PPP1R3A: variants seen among roughly 807,000 people sequenced by gnomAD.
The protein encoded by PPP1R3A is RG1.
In PPP1R3A, 29 loss-of-function variants were observed where a neutral mutation model predicts 41.7. That is an observed-to-expected ratio of 0.70 (90% confidence interval 0.52 to 0.95). PPP1R3A has a LOEUF of 0.95. Among genes scored for constraint, PPP1R3A ranks in the 40% least tolerant of loss-of-function variants. The pLI, the probability that PPP1R3A is intolerant of heterozygous loss-of-function variation, is 0.00. For synonymous variants in PPP1R3A, 485 were observed against 453.4 expected, an observed-to-expected ratio of 1.07 and a Z score of -0.89; for missense variants, 1,352 against 1,292.4, an observed-to-expected ratio of 1.05 and a Z score of -0.71.
chr7:113,880,051 G>T lies in PPP1R3A; in HGVS notation c.1041C>A (p.Val347=). The part of the protein sequence containing the change: ...DERNTFSTDP[V]NFPNKAEGLE... ...ACCCCTCTGCTTTATTTGGAAAATT[G>T]ACTGGATCTGTTGAAAATGTATTCC... is the stretch of plus-strand genomic sequence containing the variant. The change falls in exon 4 of 4, where the codon GTC becomes GTA. Residue 347 remains valine, a synonymous_variant. Transcript: ENST00000284601. 1 of 1,610,636 alleles carries T rather than the reference G, an allele frequency of 6.2e-7. No homozygotes were observed. Among genetic ancestry groups the T allele is most frequent in the Non-Finnish European group, 8.5e-7 (1 of 1,177,356 alleles).
At chr7:113,901,872 C>T (rs1169323332) in intron 1 of PPP1R3A, among the ~76,000 whole-genome samples, 1 of 151,708 alleles carries the variant, frequency 6.6e-6, no homozygotes, top group East Asian at 2.0e-4. Flanking sequence ...TCAGCCTGAC[C>T]TACATCACAG....
chr7:113,915,785 A>T (rs939476716), intron 1 of PPP1R3A, among the ~76,000 whole-genome samples: 4 of 151,826 alleles, frequency 2.6e-5, no homozygotes, highest in African/African-American at 9.7e-5. Flanking sequence ...AATAAGTATT[A>T]GTTCATTTTT....
At chr7:113,915,694 G>A (rs901621896) in intron 1 of PPP1R3A, among the ~76,000 whole-genome samples, 3 of 151,302 alleles carry the variant, frequency 2.0e-5, no homozygotes, top group African/African-American at 7.3e-5. Flanking sequence ...CATAGGAAGT[G>A]TAGAAATGCT....
chr7:113,889,226 C>T (rs1796837951), intron 1 of PPP1R3A, among the ~76,000 whole-genome samples: 1 of 152,112 alleles, frequency 6.6e-6, no homozygotes. Context: ...AGAGTCATTC[C>T]TTTAGTTGCA....
At chr7:113,895,039 G>A (rs969988341) in intron 1 of PPP1R3A, among the ~76,000 whole-genome samples, 1 of 151,940 alleles carries the variant, frequency 6.6e-6, no homozygotes, top group African/African-American at 2.4e-5. Context: ...TAGGGTGGCA[G>A]GTGTGAGCTC....
rs1796577336 is a variant in PPP1R3A, at chr7:113,877,016, C to T, written c.*707G>A. The T allele has an allele frequency of 2.6e-5, 4 of 151,836 alleles. No individual in the cohort carries two copies. The highest frequency in any genetic ancestry group is 2.6e-4 in the Admixed American group (4 of 15,202). The allele number at this position is 151,836 out of a possible 1,614,324, so 9.4% of individuals were successfully genotyped here. The stretch of plus-strand genomic sequence containing the variant: ...AGAAAAGCATTGCTTAAAGACAGGC[C>T]ACCCACAGAATTTTTCAGAATTGAA... On this transcript the variant is annotated 3_prime_UTR_variant, in exon 4 of 4. Transcript: ENST00000284601.
rs920340267 is a variant in PPP1R3A, at chr7:113,918,881, G to C, written c.116C>G (p.Pro39Arg). ...ATCAGAACCTCGTCTACTTGGTTGA[G>C]GGGAGAAACCAGGTTGGAAAGTAAC... The part of the protein sequence containing the change: ...EEVTFQPGFS[P>R]QPSRRGSDSS... The change falls in exon 1 of 4, where the codon CCT (proline) becomes CGT (arginine). Residue 39 changes from proline to arginine, a missense_variant. Transcript: ENST00000284601. 1.4e-5 allele frequency: 23 copies of C among 1,613,492 alleles called. No homozygotes were observed. Among genetic ancestry groups the C allele is most frequent in the Non-Finnish European group, 1.9e-5 (22 of 1,179,686 alleles).
intron 3 of PPP1R3A, among the ~76,000 whole-genome samples, chr7:113,881,808 T>C (rs949712905): frequency 6.6e-6 from 1 of 152,028 alleles, no homozygotes; most frequent in Non-Finnish European, 1.5e-5. Context: ...TCAGAGCCAC[T>C]GGTAAAGAGA....
At chr7:113,902,569 C>T (rs981786222) in intron 1 of PPP1R3A, among the ~76,000 whole-genome samples, 5 of 151,804 alleles carry the variant, frequency 3.3e-5, no homozygotes, top group East Asian at 1.9e-4. Context: ...GCCACACTGG[C>T]CTTCTTGCTA....
rs764609245 is a variant in PPP1R3A at position 113,878,211 on chromosome 7, G to A, written c.2881C>T (p.Gln961Ter). 6.2e-7 allele frequency: 1 copy of A among 1,613,208 alleles called. No individual in the cohort carries two copies. ...ENICNSTREI[Q>*]GIEKHPYPES... The stretch of plus-strand genomic sequence containing the variant: ...GGATAAGGGTGCTTCTCAATACCCT[G>A]GATTTCTCTTGTTGAATTACAAATA... The change falls in exon 4 of 4, where the codon CAG becomes TAG. Residue 961 changes from glutamine (Q) to a stop codon, truncating the protein, a stop_gained. Coordinates refer to ENST00000284601, the MANE Select transcript of PPP1R3A (RefSeq NM_002711.4). LOFTEE classifies it low-confidence loss of function (END_TRUNC).
intron 1 of PPP1R3A, among the ~76,000 whole-genome samples, chr7:113,909,330 TAGA>T (rs1472931107): frequency 6.6e-6 from 1 of 152,072 alleles, no homozygotes; most frequent in Non-Finnish European, 1.5e-5. Flanking sequence ...TTAGGTAAGA[TAGA>T]AGAATAAATG....
At position 113,918,202 on chromosome 7, in the gene PPP1R3A, G is replaced by A. The variant is rs1300668701; in HGVS notation, c.782+13C>T. The A allele has an allele frequency of 2.5e-6, 4 of 1,583,430 alleles. No individual in the cohort carries two copies. In the African/African-American group the frequency reaches 5.5e-5, roughly 22 times the overall value. ...AGATTGTGAATAATAAAATATGTAA[G>A]ATATATCCTCACCTTGATTTTACCT... On this transcript the variant is annotated intron_variant, in intron 1 of 3. Transcript: ENST00000284601.
At chr7:113,912,119 C>A (rs1797262213) in intron 1 of PPP1R3A, among the ~76,000 whole-genome samples, 1 of 152,072 alleles carries the variant, frequency 6.6e-6, no homozygotes, top group Admixed American at 6.6e-5. Context: ...TTCCATTATG[C>A]TTCAATGTTT....
intron 1 of PPP1R3A, among the ~76,000 whole-genome samples, chr7:113,885,209 T>C (rs1796762457): frequency 6.6e-6 from 1 of 152,016 alleles, no homozygotes; most frequent in South Asian, 2.1e-4. Context: ...TGACACGACA[T>C]CCTGCTAATT....
intron 1 of PPP1R3A, among the ~76,000 whole-genome samples, chr7:113,908,203 A>G (rs530075852): frequency 6.6e-6 from 1 of 152,060 alleles, no homozygotes; most frequent in South Asian, 2.1e-4. Context: ...GTTAACTTGG[A>G]ATGAGATATT....
At chr7:113,916,868 GC>G (rs1422561646) in intron 1 of PPP1R3A, among the ~76,000 whole-genome samples, 1 of 151,924 alleles carries the variant, frequency 6.6e-6, no homozygotes, top group Admixed American at 6.6e-5. Flanking sequence ...TTTCCTAACA[GC>G]ATCAGTTAAA....
At chr7:113,917,600 G>C (rs1366061416) in intron 1 of PPP1R3A, among the ~76,000 whole-genome samples, 1 of 151,674 alleles carries the variant, frequency 6.6e-6, no homozygotes, top group African/African-American at 2.4e-5. Flanking sequence ...TGTTATTCTT[G>C]GTTATAATTA....
At position 113,878,472 on chromosome 7, in the gene PPP1R3A, T is replaced by A; in HGVS notation, c.2620A>T (p.Thr874Ser). The A allele has an allele frequency of 6.2e-7, 1 of 1,612,954 alleles. No individual in the cohort carries two copies. Among genetic ancestry groups the A allele is most frequent in the Non-Finnish European group, 8.5e-7 (1 of 1,179,620 alleles). The part of the protein sequence containing the change: ...LQLGMLPTDK[T>S]VFSENRDLRQ... Reference sequence around the variant, plus strand: ...AGATCTCTGTTTTCTGAAAATACAGTTTTGTCTGTTGGTAACATTCCCAAC... The same window carrying A: ...AGATCTCTGTTTTCTGAAAATACAGATTTGTCTGTTGGTAACATTCCCAAC... Residue 874 changes from threonine (T) to serine (S), a missense_variant, in exon 4 of 4, where the codon ACT (threonine) becomes TCT (serine). Coordinates refer to ENST00000284601, the MANE Select transcript of PPP1R3A (RefSeq NM_002711.4).
At position 113,879,266 on chromosome 7, in the gene PPP1R3A, G is replaced by A. The variant is rs1471923011; in HGVS notation, c.1826C>T (p.Ala609Val). 1.9e-6 allele frequency: 3 copies of A among 1,613,482 alleles called. No individual in the cohort carries two copies. Among genetic ancestry groups the A allele is most frequent in the Non-Finnish European group, 8.5e-7 (1 of 1,179,742 alleles). The change falls in exon 4 of 4, where the codon GCT (alanine) becomes GTT (valine). Residue 609 changes from alanine (A) to valine (V), a missense_variant. Physicochemically the swap from Ala to Val is moderately conservative, Grantham distance 64. Coordinates refer to ENST00000284601, the MANE Select transcript of PPP1R3A (RefSeq NM_002711.4). ...AACTTGACCAGTTATCCCTCCTAAA[G>A]CGCTGCCTTCACTAGTCAAATGATG... is the stretch of plus-strand genomic sequence containing the variant. ...EHHHLTSEGS[A>V]LGGITGQVCS...
Sources: gnomAD v4.1 joint callset for allele counts (sites outside exome capture counted in the v4.1 genomes callset) on GRCh38, gnomAD v4.1.1 for gene constraint, MANE v1.5 for transcripts, NCBI Gene and HGNC (gene_info 2026-07-23, HGNC 2026-07-21) for gene names.